Variants in GSE1 observed in about 807,000 individuals in gnomAD.
GSE1 encodes the protein Gse1 coiled-coil protein, also known as genetic suppressor element 1.
A neutral mutation model predicts 112.6 loss-of-function variants in GSE1; 32 were observed. The observed-to-expected ratio is 0.28, with a 90% CI of 0.21 to 0.38. The LOEUF is 0.38. Ranked by LOEUF, GSE1 falls within the 10% of genes least tolerant of loss-of-function variation. The pLI is 1.00. For missense variants in GSE1, 2,348 were observed against 1,699.2 expected (o/e 1.38, Z -6.71); for synonymous variants, 1,115 against 735.6 (o/e 1.52, Z -8.35).
intron 2 of GSE1, among the ~76,000 whole-genome samples, chr16:85,542,843 C>T (rs950853362): frequency 1.3e-5 from 2 of 152,246 alleles, no homozygotes; most frequent in Non-Finnish European, 2.9e-5. Context: ...CTCCCTGCAG[C>T]AGCTGCTGCA....
chr16:85,487,349 T>G (rs8057115), intron 2 of GSE1, among the ~76,000 whole-genome samples: 104,373 of 151,988 alleles, frequency 0.69, 37,183 homozygotes, highest in African/African-American at 0.88. Context: ...AGAGCTCAGG[T>G]TTTGCAGAAC....
At chr16:85,596,083 C>T (rs574157117) in intron 1 of GSE1, among the ~76,000 whole-genome samples, 67 of 151,726 alleles carry the variant, frequency 4.4e-4, no homozygotes, top group African/African-American at 1.5e-3. Context: ...TGTCCCTCAA[C>T]CCATGCACTC....
intron 1 of GSE1, among the ~76,000 whole-genome samples, chr16:85,243,113 C>A (rs1173711878): frequency 6.6e-6 from 1 of 152,234 alleles, no homozygotes; most frequent in Non-Finnish European, 1.5e-5. Flanking sequence ...GCGCCCATCC[C>A]TCAGGTGAGT....
chr16:85,234,852 G>A (rs1772548607), intron 1 of GSE1, among the ~76,000 whole-genome samples: 1 of 152,166 alleles, frequency 6.6e-6, no homozygotes, highest in African/African-American at 2.4e-5. Flanking sequence ...GGCCCAGCTG[G>A]GGGATTAGAA....
chr16:85,583,005 G>A (rs74031860), intron 1 of GSE1, among the ~76,000 whole-genome samples: 9,364 of 152,252 alleles, frequency 0.062, 889 homozygotes, highest in African/African-American at 0.2. Context: ...GGCTGGCACA[G>A]TCTCGGGGAT....
rs1247793304 is a variant in GSE1 at position 85,561,375 on chromosome 16, G to C, written c.37+5012G>C. ...CCTGCTTCATAAATATTTGTTGACT[G>C]TGTTGAGTGGGAGCTGGCCGCTGGC... On this transcript the variant is annotated intron_variant, in intron 1 of 2. Coordinates refer to the GSE1 transcript ENST00000635906. 3.9e-5 allele frequency among the ~76,000 whole-genome samples: 6 copies of C among 152,286 alleles called. No homozygotes were observed. The East Asian group carries it at 1.2e-3, about 29-fold the overall frequency.
intron 2 of GSE1, among the ~76,000 whole-genome samples, chr16:85,545,365 G>A (rs1306390868): frequency 1.3e-5 from 2 of 152,204 alleles, no homozygotes; most frequent in South Asian, 2.1e-4. Flanking sequence ...AATGGAGGTC[G>A]GACACACAGT....
intron 3 of GSE1, among the ~76,000 whole-genome samples, chr16:85,650,776 G>A (rs2051268427): frequency 6.6e-6 from 1 of 152,062 alleles, no homozygotes; most frequent in African/African-American, 2.4e-5. Context: ...GGAGTGGGGA[G>A]GCAGAGAGAG....
intron 1 of GSE1, among the ~76,000 whole-genome samples, chr16:85,568,156 G>A (rs768962889): frequency 1.3e-5 from 2 of 152,236 alleles, no homozygotes; most frequent in East Asian, 3.8e-4. Flanking sequence ...CCTCTGTGAA[G>A]TATGTGTTTC....
chr16:85,639,861 C>T (rs61732648), intron 2 of GSE1, among the ~76,000 whole-genome samples: 13,110 of 152,322 alleles, frequency 0.086, 719 homozygotes, highest in Admixed American at 0.14. Context: ...AGGGACGCAG[C>T]GCCCGTCTGC....
intron 1 of GSE1, among the ~76,000 whole-genome samples, chr16:85,315,235 G>A (rs749106234): frequency 2.6e-5 from 4 of 152,152 alleles, no homozygotes; most frequent in Non-Finnish European, 4.4e-5. Context: ...GAGGCTCAGC[G>A]GGAGGCCACA....
chr16:85,171,385 C>T, exon 1 of GSE1: 1 of 985,574 alleles, frequency 1.0e-6, no homozygotes, highest in Non-Finnish European at 1.2e-6. Context: ...CGAGAAGGAG[C>T]CCTTCTTCCC....
intron 1 of GSE1, among the ~76,000 whole-genome samples, chr16:85,231,073 GAGGGATGGATGGAT>G (rs1567625610): frequency 1.4e-5 from 2 of 138,158 alleles, no homozygotes; most frequent in Non-Finnish European, 3.1e-5. Flanking sequence ...TAGCTGGACA[GAGGGATGGATGGAT>G]GGATGGATGG....
chr16:85,456,579 CGTGTGTGT>C (rs35279881), intron 2 of GSE1, among the ~76,000 whole-genome samples: 7,845 of 91,446 alleles, frequency 0.086, 383 homozygotes, highest in Middle Eastern at 0.12. Flanking sequence ...ATTTTCCTGC[CGTGTGTGT>C]GTGTGTGTGT....
intron 2 of GSE1, among the ~76,000 whole-genome samples, chr16:85,376,517 G>T (rs1448570950): frequency 6.6e-6 from 1 of 152,240 alleles, no homozygotes; most frequent in Non-Finnish European, 1.5e-5. Context: ...GGTGTGGGCA[G>T]AGTGGGCTGG....
chr16:85,611,060 G>A (rs1045223831), upstream of GSE1, among the ~76,000 whole-genome samples: 1 of 152,248 alleles, frequency 6.6e-6, no homozygotes, highest in Admixed American at 6.5e-5. Flanking sequence ...GGGAGTAGGT[G>A]GTGGCACCGT....
At chr16:85,574,484 G>C (rs898395172) in intron 1 of GSE1, among the ~76,000 whole-genome samples, 1 of 152,188 alleles carries the variant, frequency 6.6e-6, no homozygotes. Context: ...AGCAGTAGCC[G>C]AACTCTGCGA....
At chr16:85,517,597 G>A (rs758139565) in intron 2 of GSE1, among the ~76,000 whole-genome samples, 3 of 136,086 alleles carry the variant, frequency 2.2e-5, no homozygotes, top group African/African-American at 6.3e-5. Flanking sequence ...TGAATCCCAC[G>A]CTCCCCTCCC....
chr16:85,505,039 G>A (rs531695349), intron 2 of GSE1, among the ~76,000 whole-genome samples: 4 of 152,008 alleles, frequency 2.6e-5, no homozygotes, highest in African/African-American at 7.2e-5. Context: ...ACAGCCCCAC[G>A]TGACCCAGCA....
Sources: gnomAD v4.1 joint callset for allele counts (sites outside exome capture counted in the v4.1 genomes callset) on GRCh38, gnomAD v4.1.1 for gene constraint, MANE v1.5 for transcripts, NCBI Gene and HGNC (gene_info 2026-07-23, HGNC 2026-07-21) for gene names.